CCDC194: variants seen among roughly 807,000 people sequenced by gnomAD.
CCDC194 encodes the protein coiled-coil domain-containing protein 194.
Under a neutral mutation model 4.9 loss-of-function variants are expected in CCDC194, and 8 were observed. The observed-to-expected ratio is 1.65, with a 90% CI of 0.97 to 2.97. CCDC194 has a LOEUF of 2.97. CCDC194 is among the 30% of genes most tolerant of loss of function. The pLI is 0.00. For synonymous variants in CCDC194, 13 were observed against 17.0 expected (o/e 0.76, Z 0.58); for missense variants, 52 against 43.1 (o/e 1.21, Z -0.58).
chr19:17,388,741 G>T (rs532341336), downstream of CCDC194, among the ~76,000 whole-genome samples: 1 of 152,230 alleles, frequency 6.6e-6, no homozygotes, highest in South Asian at 2.1e-4. Flanking sequence ...GGGCTCAAGA[G>T]ATCCTCCCGC....
chr19:17,389,515 A>G (rs528554934), downstream of CCDC194, among the ~76,000 whole-genome samples: 1 of 152,242 alleles, frequency 6.6e-6, no homozygotes, highest in South Asian at 2.1e-4. Flanking sequence ...AAACTACTTG[A>G]CAGTGGACGT....
chr19:17,393,260 T>C (rs2074661435), intron 1 of CCDC194, among the ~76,000 whole-genome samples: 1 of 151,808 alleles, frequency 6.6e-6, no homozygotes, highest in Non-Finnish European at 1.5e-5. Flanking sequence ...TCTCTCAAAA[T>C]AGGGCTGCTG....
chr19:17,388,353 C>A (rs2074643102), downstream of CCDC194, among the ~76,000 whole-genome samples: 1 of 152,040 alleles, frequency 6.6e-6, no homozygotes, highest in Non-Finnish European at 1.5e-5. Context: ...GTGCATGCCA[C>A]CAAGCCTGGC....
At chr19:17,391,428 A>G (rs915366806) in intron 2 of CCDC194, 85 bp from the exon 3 acceptor site, 2 of 519,466 alleles carry the variant, frequency 3.9e-6, no homozygotes, top group Non-Finnish European at 6.7e-6. Flanking sequence ...GATAGTCTGC[A>G]TGCCGTTTGC....
downstream of CCDC194, among the ~76,000 whole-genome samples, chr19:17,387,502 G>A (rs1478592689): frequency 6.6e-6 from 1 of 152,138 alleles, no homozygotes; most frequent in Non-Finnish European, 1.5e-5. Flanking sequence ...TGGATCACCC[G>A]AGGTTAGCAA....
At chr19:17,391,763 G>A (rs932051857) in exon 2 of CCDC194, 8 of 1,535,498 alleles carry the variant, frequency 5.2e-6, no homozygotes, top group Non-Finnish European at 7.0e-6. Context: ...TCAGCGCCCC[G>A]TTCTCGGCCC....
chr19:17,388,193 C>CTTTTTTTTTTT (rs71162117), downstream of CCDC194, among the ~76,000 whole-genome samples: 1 of 92,112 alleles, frequency 1.1e-5, no homozygotes, highest in African/African-American at 4.5e-5. Context: ...TCTTTTTTTC[C>CTTTTTTTTTTT]TTTTTTTTTT....
downstream of CCDC194, among the ~76,000 whole-genome samples, chr19:17,387,995 T>A (rs2074641607): frequency 1.3e-5 from 2 of 151,762 alleles, no homozygotes; most frequent in Non-Finnish European, 2.9e-5. Context: ...CATGCCATTC[T>A]CCCGCCTCAG....
rs2074651933 is a variant in CCDC194, at chr19:17,390,965, A to G, written c.554+246T>C. 6.6e-6 allele frequency among the ~76,000 whole-genome samples: 1 copy of G among 151,490 alleles called. No homozygotes were observed. Among genetic ancestry groups the G allele is most frequent in the South Asian group, 2.1e-4 (1 of 4,766 alleles). On this transcript the variant is annotated intron_variant, in intron 3 of 3. Coordinates refer to ENST00000636079, the Ensembl canonical transcript of CCDC194. This position sits in a 1 kb window ranked among gnomAD's most constrained non-coding sequence, Gnocchi z 5.5. The stretch of plus-strand genomic sequence containing the variant: ...CCCGTCCCTCTCGGGGCTCCCACCG[A>G]CGCTGGATCCTGGGGACCTAAGTTT...
chr19:17,393,732 G>A, intron 1 of CCDC194, 103 bp downstream of exon 1: 1 of 390,522 alleles, frequency 2.6e-6, no homozygotes, highest in Non-Finnish European at 4.5e-6. Context: ...GAGGAACTGG[G>A]GAAACCGAGG....
intron 2 of CCDC194, 88 bp downstream of exon 2, chr19:17,391,662 G>C (rs985033686): frequency 7.8e-6 from 12 of 1,534,374 alleles, no homozygotes; most frequent in Non-Finnish European, 1.0e-5. Context: ...TTTGCATTAC[G>C]TTTGCAACTG....
chr19:17,391,091 C>G, intron 3 of CCDC194, 120 bp downstream of exon 3: 1 of 378,606 alleles, frequency 2.6e-6, no homozygotes, highest in East Asian at 4.0e-5. Context: ...ACAATGCCCC[C>G]CCCCCACCAC....
At chr19:17,391,945 CTGTGTCCTGAGCTT>C in intron 1 of CCDC194, 99 bp from the exon 2 acceptor site, 1 of 1,131,870 alleles carries the variant, frequency 8.8e-7, no homozygotes, top group Non-Finnish European at 1.2e-6. Context: ...ACCTGCGACC[CTGTGTCCTGAGCTT>C]TGTGTGGAAT....
chr19:17,389,800 A>G (rs1464440048), downstream of CCDC194, among the ~76,000 whole-genome samples: 2 of 152,162 alleles, frequency 1.3e-5, no homozygotes, highest in East Asian at 1.9e-4. Context: ...CCCCGTCTCT[A>G]CTAAAAATAC....
chr19:17,393,951 G>A (rs2074664536), exon 1 of CCDC194: 2 of 396,270 alleles, frequency 5.0e-6, no homozygotes. Flanking sequence ...AGCCGGCGCC[G>A]CAGGTCGTCG....
At position 17,390,856 on chromosome 19, in the gene CCDC194, C is replaced by G. The variant is rs1004086935; in HGVS notation, c.555-197G>C. On this transcript the variant is annotated intron_variant, in intron 3 of 3. Coordinates refer to ENST00000636079, the Ensembl canonical transcript of CCDC194. The surrounding 1 kb of genome is among the most constrained non-coding windows in gnomAD (Gnocchi z 5.5). ...CCCGGGACGCCTCCCTAGAGACTCCCAGCTACATCCCCAGAAGCTCTGTCC... is the reference window on the plus strand; with the variant it reads ...CCCGGGACGCCTCCCTAGAGACTCCGAGCTACATCCCCAGAAGCTCTGTCC... Among the ~76,000 whole-genome samples the G allele has an allele frequency of 6.6e-6, 1 of 151,986 alleles. No homozygotes were observed. Among genetic ancestry groups the G allele is most frequent in the African/African-American group, 2.4e-5 (1 of 41,404 alleles).
At chr19:17,391,767 T>A (rs2074655521) in exon 2 of CCDC194, 1 of 1,535,620 alleles carries the variant, frequency 6.5e-7, no homozygotes, top group South Asian at 1.2e-5. Flanking sequence ...CGCCCCGTTC[T>A]CGGCCCCCAT....
At chr19:17,391,553 G>T (rs2074654776) in intron 2 of CCDC194, 197 bp downstream of exon 2, 2 of 1,313,730 alleles carry the variant, frequency 1.5e-6, no homozygotes, top group Non-Finnish European at 2.1e-6. Flanking sequence ...CAAGGAGTTT[G>T]CATGTTTTGT....
chr19:17,392,813 C>G (rs1467272427), intron 1 of CCDC194, among the ~76,000 whole-genome samples: 2 of 152,200 alleles, frequency 1.3e-5, no homozygotes, highest in Admixed American at 6.5e-5. Context: ...CAACCTCCGC[C>G]TGGGATTACA....
Sources: allele counts gnomAD v4.1 joint callset (sites outside exome capture counted in the v4.1 genomes callset), GRCh38; gene constraint gnomAD v4.1.1; non-coding constraint Gnocchi (gnomAD v3.1); transcripts MANE v1.5; gene names NCBI Gene and HGNC (gene_info 2026-07-23, HGNC 2026-07-21).